DYNC2I1: variants seen among roughly 807,000 people sequenced by gnomAD.
The protein encoded by DYNC2I1 is dynein 2 intermediate chain 1.
Under a neutral mutation model 133.4 loss-of-function variants are expected in DYNC2I1, and 89 were observed. The observed-to-expected ratio is 0.67, with a 90% CI of 0.56 to 0.80. The LOEUF (loss-of-function observed/expected upper bound fraction) is 0.80, where lower values mean the gene tolerates loss of function less well. Ranked by LOEUF, DYNC2I1 falls within the 30% of genes least tolerant of loss-of-function variation. DYNC2I1 has a pLI of 0.00. For missense variants in DYNC2I1, 1,291 were observed against 1,314.5 expected, an observed-to-expected ratio of 0.98 and a Z score of 0.28; for synonymous variants, 504 against 484.3, an observed-to-expected ratio of 1.04 and a Z score of -0.54.
intron 8 of DYNC2I1, among the ~76,000 whole-genome samples, chr7:158,893,831 C>T (rs1358245873): frequency 1.3e-5 from 2 of 151,602 alleles, no homozygotes; most frequent in Non-Finnish European, 2.9e-5. Context: ...TATATCATAC[C>T]GTATGTCATA....
the DYNC2I1 span, among the ~76,000 whole-genome samples, chr7:158,849,262 T>C: frequency 3.3e-5 from 5 of 152,220 alleles, no homozygotes; most frequent in African/African-American, 1.2e-4. Context: ...ATAAGTTTTA[T>C]GAAATGTAGT....
chr7:158,899,565 T>A (rs138754144), intron 8 of DYNC2I1, among the ~76,000 whole-genome samples: 373 of 152,254 alleles, frequency 2.4e-3, no homozygotes, highest in Middle Eastern at 0.01. Context: ...CCCACCCAAA[T>A]CTCAACTTGA....
intron 17 of DYNC2I1, 31 bp from the exon 18 acceptor site, chr7:158,926,156 C>G: frequency 6.5e-7 from 1 of 1,538,690 alleles, no homozygotes; most frequent in Non-Finnish European, 8.9e-7. Flanking sequence ...TTACTACTTA[C>G]ACGTGGATGC....
At chr7:158,849,371 G>A in the DYNC2I1 span, among the ~76,000 whole-genome samples, 52 of 152,314 alleles carry the variant, frequency 3.4e-4, no homozygotes, top group African/African-American at 1.2e-3. Flanking sequence ...ATGTCAGTCT[G>A]CCCTTTGAGA....
chr7:158,899,728 C>T (rs892102550), intron 8 of DYNC2I1, among the ~76,000 whole-genome samples: 8 of 152,152 alleles, frequency 5.3e-5, no homozygotes, highest in African/African-American at 1.9e-4. Flanking sequence ...TTTGCCTCTT[C>T]CTCATTTTCT....
intron 8 of DYNC2I1, among the ~76,000 whole-genome samples, chr7:158,893,809 C>T (rs1845472687): frequency 6.6e-6 from 1 of 152,062 alleles, no homozygotes; most frequent in Non-Finnish European, 1.5e-5. Context: ...TGTCACACCG[C>T]ATATCATACC....
At chr7:158,924,711 A>C (rs558948351) in intron 17 of DYNC2I1, among the ~76,000 whole-genome samples, 5 of 152,186 alleles carry the variant, frequency 3.3e-5, no homozygotes, top group Non-Finnish European at 7.3e-5. Flanking sequence ...AAAAACAGTA[A>C]ATCTCTAGAC....
chr7:158,924,402 C>T (rs555095344), intron 17 of DYNC2I1, among the ~76,000 whole-genome samples: 17 of 152,282 alleles, frequency 1.1e-4, no homozygotes, highest in African/African-American at 3.9e-4. Context: ...AGGTGCAGGC[C>T]GAGGTCATCA....
chr7:158,842,547 A>T, the DYNC2I1 span, among the ~76,000 whole-genome samples: 65 of 152,350 alleles, frequency 4.3e-4, no homozygotes, highest in Middle Eastern at 6.8e-3. Context: ...TAATTAAATG[A>T]ATTACCAATG....
intron 17 of DYNC2I1, among the ~76,000 whole-genome samples, chr7:158,924,585 A>G (rs1319733953): frequency 2.6e-5 from 4 of 151,712 alleles, no homozygotes; most frequent in Non-Finnish European, 5.9e-5. Flanking sequence ...GTTTGAATTT[A>G]TCGCAACTTA....
intron 1 of DYNC2I1, among the ~76,000 whole-genome samples, chr7:158,862,035 G>A (rs997388772): frequency 2.6e-5 from 4 of 152,184 alleles, no homozygotes; most frequent in African/African-American, 9.7e-5. Context: ...TCCTAAAGGC[G>A]GGAGCCAGCC....
At chr7:158,954,563 G>A (rs1312715750) in intron 4 of DYNC2I1, among the ~76,000 whole-genome samples, 1 of 152,192 alleles carries the variant, frequency 6.6e-6, no homozygotes, top group Middle Eastern at 3.2e-3. Flanking sequence ...TGGGAGAATT[G>A]CTTGAGCCCA....
At chr7:158,870,514 T>G (rs1842785808) in intron 2 of DYNC2I1, among the ~76,000 whole-genome samples, 1 of 150,820 alleles carries the variant, frequency 6.6e-6, no homozygotes, top group Non-Finnish European at 1.5e-5. Flanking sequence ...CCACCAGGCT[T>G]GCTAATTTTT....
At chr7:158,951,814 C>G (rs1399461633) in intron 4 of DYNC2I1, among the ~76,000 whole-genome samples, 1 of 152,196 alleles carries the variant, frequency 6.6e-6, no homozygotes, top group Non-Finnish European at 1.5e-5. Flanking sequence ...ATGGGAAGCT[C>G]CTCCTACCTC....
At chr7:158,895,691 G>A (rs1441763857) in intron 8 of DYNC2I1, among the ~76,000 whole-genome samples, 2 of 152,150 alleles carry the variant, frequency 1.3e-5, no homozygotes, top group Non-Finnish European at 2.9e-5. Context: ...TTTCTATTGC[G>A]ATTGCATGGA....
chr7:158,921,748 T>C (rs1232854260), intron 15 of DYNC2I1, among the ~76,000 whole-genome samples: 1 of 152,148 alleles, frequency 6.6e-6, no homozygotes, highest in Non-Finnish European at 1.5e-5. Flanking sequence ...CACATTGACT[T>C]GGCGCCTGCC....
chr7:158,839,956 C>T, the DYNC2I1 span, among the ~76,000 whole-genome samples: 1 of 151,878 alleles, frequency 6.6e-6, no homozygotes, highest in Non-Finnish European at 1.5e-5. Flanking sequence ...GAACTACAGG[C>T]ACATCTCACC....
intron 19 of DYNC2I1, 104 bp from the exon 20 acceptor site, chr7:158,926,888 T>G: frequency 1.2e-6 from 1 of 810,608 alleles, no homozygotes; most frequent in South Asian, 1.8e-5. Context: ...CAGTTATGTT[T>G]TAGTACCTAA....
intron 21 of DYNC2I1, among the ~76,000 whole-genome samples, chr7:158,931,112 C>T (rs1023185785): frequency 2.6e-5 from 4 of 152,158 alleles, no homozygotes; most frequent in Non-Finnish European, 5.9e-5. Flanking sequence ...TGAGGTTAAA[C>T]TTAAAGTTTC....
Sources: gnomAD v4.1 joint callset for allele counts (sites outside exome capture counted in the v4.1 genomes callset) on GRCh38, gnomAD v4.1.1 for gene constraint, MANE v1.5 for transcripts, NCBI Gene and HGNC (gene_info 2026-07-23, HGNC 2026-07-21) for gene names.